Variants in HERPUD1 observed in about 807,000 individuals in gnomAD.
The protein encoded by HERPUD1 is homocysteine inducible ER protein with ubiquitin like domain 1, also known as homocysteine-responsive endoplasmic reticulum-resident ubiquitin-like domain member 1 protein.
HERPUD1 carries 17 observed loss-of-function variants against 45.0 expected under a neutral mutation model. The ratio of observed to expected loss-of-function variants is 0.38; its 90% CI spans 0.26 to 0.57. The LOEUF (loss-of-function observed/expected upper bound fraction) is 0.57. HERPUD1 is among the 20% of genes least tolerant of loss of function. HERPUD1 has a pLI of 0.72. For synonymous variants in HERPUD1, 164 were observed against 177.5 expected (o/e 0.92, Z 0.61); for missense variants, 420 against 490.5 (o/e 0.86, Z 1.36).
At chr16:56,935,077 T>C in intron 1 of HERPUD1, 158 bp from the exon 2 acceptor site, 1 of 608,554 alleles carries the variant, frequency 1.6e-6, no homozygotes, top group East Asian at 2.8e-5. Flanking sequence ...ACTTTCTAAA[T>C]AGAAGTCTTG....
intron 4 of HERPUD1, 146 bp from the exon 5 acceptor site, chr16:56,939,091 C>T (rs1348904800): frequency 2.1e-5 from 16 of 769,654 alleles, no homozygotes; most frequent in Admixed American, 1.1e-4. Flanking sequence ...TACATGGGTG[C>T]GTCATACAGT....
At chr16:56,942,426 T>A (rs536186960) in intron 7 of HERPUD1, among the ~76,000 whole-genome samples, 189 bp downstream of exon 7, 1 of 152,258 alleles carries the variant, frequency 6.6e-6, no homozygotes, top group Non-Finnish European at 1.5e-5. Context: ...TTCTATCACA[T>A]ATTTTTGACG....
intron 6 of HERPUD1, chr16:56,940,457 C>T (rs1406527538): frequency 3.9e-6 from 2 of 515,636 alleles, no homozygotes; most frequent in Non-Finnish European, 6.9e-6. Flanking sequence ...CAGGCGCCCA[C>T]CACCATGCCT....
intron 6 of HERPUD1, 111 bp downstream of exon 6, chr16:56,940,356 C>G: frequency 1.3e-6 from 1 of 755,320 alleles, no homozygotes. Context: ...CTCTGTCATT[C>G]AGGCTGGAGT....
chr16:56,935,939 A>T (rs535435988), intron 3 of HERPUD1: 33 of 156,650 alleles, frequency 2.1e-4, no homozygotes, highest in East Asian at 9.3e-4. Context: ...TTTTTTTTTT[A>T]AAAATGGTCT....
At chr16:56,937,006 C>A (rs2055871980) in intron 4 of HERPUD1, 189 bp downstream of exon 4, 3 of 445,112 alleles carry the variant, frequency 6.7e-6, no homozygotes, top group Non-Finnish European at 3.8e-6. Context: ...CCTTTTAGTA[C>A]ACACAAATTT....
chr16:56,943,956 G>C lies in HERPUD1; in HGVS notation c.*666G>C, dbSNP rs2055932210. ...GACAGTCAACAACTGAGTTGTCGGT[G>C]TTTAACCTGAATGCTTGTTTTTCAG... is the stretch of plus-strand genomic sequence containing the variant. On this transcript the variant is annotated 3_prime_UTR_variant, in exon 8 of 8. Transcript: ENST00000439977. The C allele has an allele frequency of 1.1e-5, 2 of 178,026 alleles. No individual in the cohort carries two copies. Among genetic ancestry groups the C allele is most frequent in the Admixed American group, 1.2e-4 (2 of 16,438 alleles). The allele number at this position is 178,026 out of a possible 1,614,324, so 11.0% of individuals were successfully genotyped here.
In HERPUD1 at chr16:56,943,620, T is replaced by C. The variant is rs561717372; in HGVS notation, c.*330T>C. 4.5e-6 allele frequency: 2 copies of C among 443,242 alleles called. No individual in the cohort carries two copies. The highest frequency in any genetic ancestry group is 8.5e-6 in the Non-Finnish European group (2 of 236,662). 27.5% of individuals were successfully genotyped at this position (443,242 alleles called of 1,614,324 possible). On this transcript the variant is annotated 3_prime_UTR_variant, in exon 8 of 8. Transcript: ENST00000439977. The stretch of plus-strand genomic sequence containing the variant: ...CAAATGTGTGTGTCTGCATGTGTGT[T>C]TGTACATAGAAGTCATAGATGCAGA...
Position 56,944,286 on chromosome 16 carries a change from A to G in HERPUD1, c.*996A>G, listed in dbSNP as rs1596985302. 6.6e-6 allele frequency: 1 copy of G among 152,168 alleles called. No individual in the cohort carries two copies. Among genetic ancestry groups the G allele is most frequent in the East Asian group, 1.9e-4 (1 of 5,198 alleles). The allele number at this position is 152,168 out of a possible 1,614,324, so 9.4% of individuals were successfully genotyped here. The stretch of plus-strand genomic sequence containing the variant: ...TTAAACAGTACTGGCTTATATAGGA[A>G]CCCATCAAAGTTAAATTCCCCAAAT... On this transcript the variant is annotated 3_prime_UTR_variant, in exon 8 of 8. Transcript: ENST00000439977.
intron 3 of HERPUD1, chr16:56,936,380 T>C (rs187860783): frequency 3.3e-4 from 59 of 180,330 alleles, no homozygotes; most frequent in Middle Eastern, 4.4e-3. Context: ...GTCAGATGTC[T>C]GCAATGAGTA....
chr16:56,933,432 C>T (rs2055842070), intron 1 of HERPUD1: 1 of 437,694 alleles, frequency 2.3e-6, no homozygotes, highest in Non-Finnish European at 4.6e-6. Context: ...TAGCTGCTTC[C>T]AAGAAACTGG....
chr16:56,938,517 T>C (rs926331287), intron 4 of HERPUD1, among the ~76,000 whole-genome samples: 1 of 150,494 alleles, frequency 6.6e-6, no homozygotes, highest in Non-Finnish European at 1.5e-5. Context: ...GAGCCGAGAT[T>C]GCGCCATTGC....
intron 1 of HERPUD1, chr16:56,933,463 A>G (rs1182687179): frequency 9.6e-6 from 4 of 417,852 alleles, no homozygotes; most frequent in African/African-American, 4.1e-5. Context: ...TGCCATGAGA[A>G]TGACTATTGG....
intron 3 of HERPUD1, chr16:56,936,146 C>G (rs1254016139): frequency 6.6e-6 from 1 of 152,512 alleles, no homozygotes; most frequent in East Asian, 1.9e-4. Context: ...TAGTGATGCA[C>G]TCTAAATTTG....
intron 7 of HERPUD1, 123 bp downstream of exon 7, chr16:56,942,360 T>C: frequency 3.2e-6 from 2 of 618,754 alleles, no homozygotes; most frequent in East Asian, 2.8e-5. Flanking sequence ...TCATGATTTG[T>C]TCACATTTCT....
intron 5 of HERPUD1, 27 bp downstream of exon 5, chr16:56,939,386 T>G (rs778633091): frequency 6.2e-7 from 1 of 1,613,218 alleles, no homozygotes; most frequent in South Asian, 1.1e-5. Context: ...ATGCTGGGTG[T>G]GGCCAGGGCT....
intron 7 of HERPUD1, 59 bp from the exon 8 acceptor site, chr16:56,943,067 C>T (rs1289574828): frequency 1.3e-6 from 2 of 1,536,360 alleles, no homozygotes; most frequent in South Asian, 1.1e-5. Flanking sequence ...ATTTGGTGTT[C>T]ATCATAGCCC....
chr16:56,942,230 A>T lies in HERPUD1; in HGVS notation c.1004A>T (p.Asn335Ile). ...GTTGTAAATCAGGACCCCAACAATAACTTACAGGTATGGAGCCTCCCACGA... is the reference window on the plus strand; with the variant it reads ...GTTGTAAATCAGGACCCCAACAATATCTTACAGGTATGGAGCCTCCCACGA... ...PDVVNQDPNN[N>I]LQEGTDPETE... The change falls in exon 7 of 8, where the codon AAC becomes ATC. Residue 335 changes from asparagine (N) to isoleucine (I), a missense_variant. Asn to Ile is a moderately radical substitution (Grantham distance 149, BLOSUM62 -3). Coordinates refer to ENST00000439977, the MANE Select transcript of HERPUD1 (RefSeq NM_014685.4). 6.2e-7 allele frequency: 1 copy of T among 1,612,000 alleles called. No homozygotes were observed. The highest frequency in any genetic ancestry group is 8.5e-7 in the Non-Finnish European group (1 of 1,178,132).
chr16:56,943,117 T>A lies in HERPUD1; in HGVS notation c.1012-9T>A. ...TTGTTTCATTACCTCATTGTTTCAT[T>A]ACCTGTAGGAAGGCACTGATCCTGA... On this transcript the variant is annotated splice_polypyrimidine_tract_variant and intron_variant, in intron 7 of 7. Coordinates refer to ENST00000439977, the MANE Select transcript of HERPUD1 (RefSeq NM_014685.4). 6.2e-7 allele frequency: 1 copy of A among 1,612,090 alleles called. No homozygotes were observed. The highest frequency in any genetic ancestry group is 1.1e-5 in the South Asian group (1 of 91,054).
Sources: allele counts gnomAD v4.1 joint callset (sites outside exome capture counted in the v4.1 genomes callset), GRCh38; gene constraint gnomAD v4.1.1; transcripts MANE v1.5; gene names NCBI Gene and HGNC (gene_info 2026-07-23, HGNC 2026-07-21).